CCDC28A: variants seen among roughly 807,000 people sequenced by gnomAD.
CCDC28A encodes the protein coiled-coil domain containing 28A, also known as coiled-coil domain-containing protein 28A.
Under a neutral mutation model 22.1 loss-of-function variants are expected in CCDC28A, and 24 were observed. The observed-to-expected ratio is 1.09, with a 90% CI of 0.79 to 1.53. The LOEUF (loss-of-function observed/expected upper bound fraction) is 1.53, where lower values mean the gene tolerates loss of function less well. Ranked by LOEUF, CCDC28A falls within the 40% of genes most tolerant of loss-of-function variation. CCDC28A has a pLI of 0.00. For synonymous variants in CCDC28A, 83 were observed against 74.7 expected, an observed-to-expected ratio of 1.11 and a Z score of -0.57; for missense variants, 170 against 210.7, an observed-to-expected ratio of 0.81 and a Z score of 1.20.
At position 138,776,404 on chromosome 6, in the gene CCDC28A, T is replaced by G. The variant is rs1299087240; in HGVS notation, c.158+126T>G. 4.3e-6 allele frequency: 3 copies of G among 703,336 alleles called. No homozygotes were observed. In the African/African-American group the frequency reaches 5.4e-5, roughly 13 times the overall value. The allele number at this position is 703,336 out of a possible 1,614,324, so 43.6% of individuals were successfully genotyped here. ...AAACAGTTGAGGCACCCATTATGCG[T>G]GATTTAGAAGAAAAATTTATGAAAG... On this transcript the variant is annotated intron_variant, in intron 2 of 5. Coordinates refer to ENST00000617445, the MANE Select transcript of CCDC28A (RefSeq NM_015439.3).
chr6:138,777,192 T>C (rs1385198467), intron 2 of CCDC28A, among the ~76,000 whole-genome samples: 3 of 152,222 alleles, frequency 2.0e-5, no homozygotes, highest in African/African-American at 4.8e-5. Flanking sequence ...GCTAAGGAAA[T>C]GCCTGTTGCA....
At chr6:138,785,921 G>A (rs1322649502) in intron 4 of CCDC28A, among the ~76,000 whole-genome samples, 3 of 152,048 alleles carry the variant, frequency 2.0e-5, no homozygotes, top group Admixed American at 6.5e-5. Context: ...CTCAGGTGGC[G>A]GTTACTTGTT....
At position 138,781,720 on chromosome 6, in the gene CCDC28A, G is replaced by A. The variant is rs566984305; in HGVS notation, c.322+1735G>A. Among the ~76,000 whole-genome samples, 3 of 152,198 alleles carry A rather than the reference G, an allele frequency of 2.0e-5. No homozygotes were observed. The South Asian group carries it at 6.2e-4, about 32-fold the overall frequency. ...GGACCTTTTGTCAGTTTTCTACTTGGTTATTTATCCTTTTGTTGTTGTCAC... is the reference window on the plus strand; with the variant it reads ...GGACCTTTTGTCAGTTTTCTACTTGATTATTTATCCTTTTGTTGTTGTCAC... On this transcript the variant is annotated intron_variant, in intron 3 of 5. Transcript: ENST00000617445.
intron 2 of CCDC28A, among the ~76,000 whole-genome samples, chr6:138,778,456 A>G (rs1451973270): frequency 6.6e-6 from 1 of 152,162 alleles, no homozygotes; most frequent in Non-Finnish European, 1.5e-5. Flanking sequence ...TGCGCATAAC[A>G]TCATCACTCA....
Position 138,792,890 on chromosome 6 carries a change from CACA to C in CCDC28A, c.*92_*94del. The C allele has an allele frequency of 1.2e-6, 1 of 835,968 alleles. No individual in the cohort carries two copies. The highest frequency in any genetic ancestry group is 1.5e-5 in the South Asian group (1 of 68,158). 51.8% of individuals were successfully genotyped at this position (835,968 alleles called of 1,614,324 possible). On this transcript the variant is annotated 3_prime_UTR_variant, in exon 6 of 6. Transcript: ENST00000617445. ...CAAATCCAGTAGCAGAATCATCTTC[CACA>C]ACAAGGAATTAAAGTAATTAAAGTG... is the stretch of plus-strand genomic sequence containing the variant.
At chr6:138,776,427 A>C in intron 2 of CCDC28A, 149 bp downstream of exon 2, 1 of 639,320 alleles carries the variant, frequency 1.6e-6, no homozygotes, top group Non-Finnish European at 2.7e-6. Context: ...AAATTTATGA[A>C]AGTTACGGTG....
chr6:138,779,801 TA>T lies in CCDC28A; in HGVS notation c.159-18del. The T allele has an allele frequency of 6.3e-7, 1 of 1,586,832 alleles. No homozygotes were observed. The highest frequency in any genetic ancestry group is 8.6e-7 in the Non-Finnish European group (1 of 1,169,334). On this transcript the variant is annotated intron_variant, in intron 2 of 5. Coordinates refer to ENST00000617445, the MANE Select transcript of CCDC28A (RefSeq NM_015439.3). ...TTAATCTAGAATAGCCTAAAAAGCC[TA>T]AATTTCATCGTCTTTACAGAGTGAT...
chr6:138,775,693 AT>A (rs1486604420), intron 1 of CCDC28A, among the ~76,000 whole-genome samples: 1 of 152,218 alleles, frequency 6.6e-6, no homozygotes, highest in Non-Finnish European at 1.5e-5. Context: ...GGCTGGGAAT[AT>A]TATGTGGATC....
At chr6:138,790,358 C>T (rs1775154689) in intron 5 of CCDC28A, among the ~76,000 whole-genome samples, 1 of 152,196 alleles carries the variant, frequency 6.6e-6, no homozygotes, top group South Asian at 2.1e-4. Flanking sequence ...ACCATGTTGG[C>T]CAGGCTGGTC....
chr6:138,785,374 T>C lies in CCDC28A; in HGVS notation c.470T>C (p.Leu157Pro). The change falls in exon 4 of 6, where the codon CTG becomes CCG. Residue 157 changes from leucine (L) to proline (P), a missense_variant. Leu to Pro is a moderately conservative substitution (Grantham distance 98, BLOSUM62 -3). Transcript: ENST00000617445. ...AGTGACTCCAATCTGGATAGGCTTC[T>C]GTCAGATGTAAGTGTAATTCTTTTT... ...TASDSNLDRL[L>P]SDLEELNSSI... The C allele has an allele frequency of 6.2e-7, 1 of 1,603,648 alleles. No homozygotes were observed. Among genetic ancestry groups the C allele is most frequent in the Non-Finnish European group, 8.5e-7 (1 of 1,176,930 alleles).
chr6:138,784,449 C>T (rs1315253365), intron 3 of CCDC28A, among the ~76,000 whole-genome samples: 1 of 151,108 alleles, frequency 6.6e-6, no homozygotes, highest in East Asian at 1.9e-4. Flanking sequence ...CTGCTGGGCT[C>T]AAGCAATCCT....
intron 3 of CCDC28A, among the ~76,000 whole-genome samples, chr6:138,781,944 A>G (rs1775028299): frequency 6.6e-6 from 1 of 152,128 alleles, no homozygotes; most frequent in Non-Finnish European, 1.5e-5. Context: ...TGGTTATGCT[A>G]ATATTTGAAA....
chr6:138,784,643 G>T (rs1175222570), intron 3 of CCDC28A, among the ~76,000 whole-genome samples: 2 of 151,888 alleles, frequency 1.3e-5, no homozygotes, highest in East Asian at 3.9e-4. Flanking sequence ...TTATAGGCAT[G>T]AGCCACCATG....
In CCDC28A at chr6:138,793,082, T is replaced by C. The variant is rs1583526499; in HGVS notation, c.*279T>C. 2.6e-6 allele frequency: 1 copy of C among 388,498 alleles called. No individual in the cohort carries two copies. Among genetic ancestry groups the C allele is most frequent in the East Asian group, 5.7e-5 (1 of 17,506 alleles). The allele number at this position is 388,498 out of a possible 1,614,324, so 24.1% of individuals were successfully genotyped here. ...TTGCCTTATGGGATTATACTTGAAA[T>C]GCATTGTGCTGATGTTCTTGACAGG... On this transcript the variant is annotated 3_prime_UTR_variant, in exon 6 of 6. Coordinates refer to ENST00000617445, the MANE Select transcript of CCDC28A (RefSeq NM_015439.3).
intron 5 of CCDC28A, among the ~76,000 whole-genome samples, chr6:138,792,236 A>C (rs1019476201): frequency 6.6e-6 from 1 of 152,206 alleles, no homozygotes; most frequent in African/African-American, 2.4e-5. Flanking sequence ...GACACATTAA[A>C]AATAACTCTG....
At chr6:138,781,242 G>C (rs184093453) in intron 3 of CCDC28A, among the ~76,000 whole-genome samples, 122 of 152,236 alleles carry the variant, frequency 8.0e-4, no homozygotes, top group African/African-American at 2.8e-3. Context: ...GATTGCTCTA[G>C]TTCATTCTTT....
At chr6:138,789,204 T>A (rs1376414231) in intron 5 of CCDC28A, among the ~76,000 whole-genome samples, 2 of 152,182 alleles carry the variant, frequency 1.3e-5, no homozygotes. Flanking sequence ...ACAGGCACAA[T>A]GGTAAGGTAC....
intron 4 of CCDC28A, among the ~76,000 whole-genome samples, chr6:138,787,957 C>CTTTTTT (rs397886393): frequency 2.3e-5 from 2 of 85,310 alleles, no homozygotes; most frequent in East Asian, 3.5e-4. Context: ...TTACAGAAAG[C>CTTTTTT]TTTTTTTTTT....
intron 5 of CCDC28A, among the ~76,000 whole-genome samples, chr6:138,792,205 C>G (rs1009971787): frequency 2.6e-5 from 4 of 152,038 alleles, no homozygotes; most frequent in Non-Finnish European, 2.9e-5. Context: ...TAATCAGCTC[C>G]TTACTATGAA....
Sources: gnomAD v4.1 joint callset for allele counts (sites outside exome capture counted in the v4.1 genomes callset) on GRCh38, gnomAD v4.1.1 for gene constraint, MANE v1.5 for transcripts, NCBI Gene and HGNC (gene_info 2026-07-23, HGNC 2026-07-21) for gene names.